The following CTNNA2 variants were observed in gnomAD, a reference collection of about 807,000 sequenced individuals.
CTNNA2 encodes catenin alpha-2.
A neutral mutation model predicts 101.0 loss-of-function variants in CTNNA2; 42 were observed. The observed-to-expected ratio is 0.42, with a 90% CI of 0.32 to 0.54. The LOEUF (loss-of-function observed/expected upper bound fraction) is 0.54. Among genes scored for constraint, CTNNA2 ranks in the 20% least tolerant of loss-of-function variants. The pLI is 0.14. For synonymous variants in CTNNA2, 450 were observed against 456.4 expected (o/e 0.99, Z 0.18); for missense variants, 871 against 1,223.1 (o/e 0.71, Z 4.29).
At chr2:79,199,148 A>G (rs1282233197) in intron 2 of CTNNA2, among the ~76,000 whole-genome samples, 1 of 152,228 alleles carries the variant, frequency 6.6e-6, no homozygotes, top group South Asian at 2.1e-4. Context: ...GATAACCAGG[A>G]ACGGAATGCA....
chr2:79,378,156 G>A (rs966025815), intron 4 of CTNNA2, among the ~76,000 whole-genome samples: 1 of 152,014 alleles, frequency 6.6e-6, no homozygotes, highest in African/African-American at 2.4e-5. Context: ...ACATGCTTAA[G>A]TATAAGGTAT....
At chr2:79,636,649 C>A (rs1053711096) in intron 1 of CTNNA2, among the ~76,000 whole-genome samples, 1 of 151,942 alleles carries the variant, frequency 6.6e-6, no homozygotes, top group Non-Finnish European at 1.5e-5. Context: ...AATGTGTGAT[C>A]ATTATGTAAC....
At chr2:80,259,725 G>A (rs1336020095) in intron 7 of CTNNA2, among the ~76,000 whole-genome samples, 3 of 152,214 alleles carry the variant, frequency 2.0e-5, no homozygotes, top group Non-Finnish European at 4.4e-5. Flanking sequence ...TTGTGTGGCA[G>A]AAAGATTAAT....
intron 7 of CTNNA2, among the ~76,000 whole-genome samples, chr2:79,993,613 G>T (rs1460688836): frequency 2.0e-5 from 3 of 152,162 alleles, no homozygotes; most frequent in African/African-American, 4.8e-5. Context: ...GTTAGGGGAG[G>T]GATGCTTGAG....
intron 4 of CTNNA2, chr2:79,866,490 G>A (rs765163810): frequency 1.3e-5 from 2 of 152,156 alleles, no homozygotes; most frequent in Non-Finnish European, 2.9e-5. Flanking sequence ...CAGCTCATTA[G>A]AAATCATTTC....
intron 7 of CTNNA2, among the ~76,000 whole-genome samples, chr2:80,308,353 G>T (rs1230219113): frequency 1.3e-5 from 2 of 152,164 alleles, no homozygotes; most frequent in Non-Finnish European, 2.9e-5. Context: ...TTAATGTTCT[G>T]TCATCGCTAG....
intron 3 of CTNNA2, among the ~76,000 whole-genome samples, chr2:79,798,104 C>T (rs140624929): frequency 6.6e-6 from 1 of 152,192 alleles, no homozygotes; most frequent in African/African-American, 2.4e-5. Context: ...ATGTTCCCTG[C>T]CCCATACTAG....
intron 4 of CTNNA2, among the ~76,000 whole-genome samples, chr2:79,414,684 G>T (rs1678457940): frequency 6.6e-6 from 1 of 152,116 alleles, no homozygotes; most frequent in East Asian, 1.9e-4. Flanking sequence ...AATCCACAAG[G>T]TCTTCTCCTC....
intron 7 of CTNNA2, among the ~76,000 whole-genome samples, chr2:79,917,135 G>T (rs534295331): frequency 2.6e-5 from 4 of 151,496 alleles, no homozygotes; most frequent in Admixed American, 1.3e-4. Flanking sequence ...GGAGTGGTGC[G>T]ATCTCGGCTC....
intron 1 of CTNNA2, among the ~76,000 whole-genome samples, chr2:79,622,416 T>C (rs899970712): frequency 1.3e-5 from 2 of 152,196 alleles, no homozygotes; most frequent in Non-Finnish European, 2.9e-5. Flanking sequence ...AAAGTAGCAG[T>C]GCTTTAAAGA....
At chr2:79,781,903 C>T (rs1462865315) in intron 3 of CTNNA2, among the ~76,000 whole-genome samples, 3 of 152,178 alleles carry the variant, frequency 2.0e-5, no homozygotes, top group Non-Finnish European at 4.4e-5. Context: ...TTAAACTCTA[C>T]ATAAGAACTG....
At chr2:80,265,246 A>G (rs1195050727) in intron 7 of CTNNA2, among the ~76,000 whole-genome samples, 1 of 152,108 alleles carries the variant, frequency 6.6e-6, no homozygotes, top group African/African-American at 2.4e-5. Flanking sequence ...AAATGTTGGA[A>G]TTACAGGCGT....
chr2:79,614,019 C>G (rs965170631), intron 1 of CTNNA2, among the ~76,000 whole-genome samples: 5 of 152,152 alleles, frequency 3.3e-5, no homozygotes, highest in African/African-American at 1.2e-4. Context: ...GACTCCACAG[C>G]CTGTGCTCCT....
chr2:79,206,476 C>T (rs1674102030), intron 2 of CTNNA2, among the ~76,000 whole-genome samples: 1 of 152,116 alleles, frequency 6.6e-6, no homozygotes, highest in Non-Finnish European at 1.5e-5. Flanking sequence ...TTTTTATGCA[C>T]CCTTTTGATC....
At chr2:80,578,328 C>G (rs1055898461) in intron 13 of CTNNA2, among the ~76,000 whole-genome samples, 1 of 152,206 alleles carries the variant, frequency 6.6e-6, no homozygotes, top group Non-Finnish European at 1.5e-5. Flanking sequence ...CTTTCACCCT[C>G]AGTCTCTATC....
At chr2:79,677,150 A>G (rs766402467) in intron 2 of CTNNA2, among the ~76,000 whole-genome samples, 1 of 152,180 alleles carries the variant, frequency 6.6e-6, no homozygotes, top group Non-Finnish European at 1.5e-5. Flanking sequence ...GTCTCTTTTG[A>G]CAATAAATGA....
chr2:79,632,139 T>C (rs185624571), intron 1 of CTNNA2, among the ~76,000 whole-genome samples: 9 of 152,226 alleles, frequency 5.9e-5, no homozygotes, highest in African/African-American at 1.7e-4. Context: ...TTCATTCCAA[T>C]AAAATATTTT....
intron 7 of CTNNA2, among the ~76,000 whole-genome samples, chr2:80,179,093 T>G (rs374578904): frequency 6.6e-6 from 1 of 152,218 alleles, no homozygotes; most frequent in Admixed American, 6.5e-5. Context: ...ATATTGCTGG[T>G]CTTGACAGCT....
intron 3 of CTNNA2, among the ~76,000 whole-genome samples, chr2:79,747,810 G>T (rs760048041): frequency 1.3e-5 from 2 of 151,952 alleles, no homozygotes; most frequent in Admixed American, 6.6e-5. Context: ...TTATATTATC[G>T]ATTTCTTCTT....
Sources: gnomAD v4.1 joint callset for allele counts (sites outside exome capture counted in the v4.1 genomes callset) on GRCh38, gnomAD v4.1.1 for gene constraint, MANE v1.5 for transcripts, NCBI Gene and HGNC (gene_info 2026-07-23, HGNC 2026-07-21) for gene names.